Variants in ERLIN1 observed in about 807,000 individuals in gnomAD.
ERLIN1 encodes ER lipid raft associated 1.
In ERLIN1, 24 loss-of-function variants were observed where a neutral mutation model predicts 46.9. The ratio of observed to expected loss-of-function variants is 0.51; its 90% CI spans 0.37 to 0.72. The LOEUF (loss-of-function observed/expected upper bound fraction) is 0.72, where lower values mean the gene tolerates loss of function less well. Ranked by LOEUF, ERLIN1 falls within the 30% of genes least tolerant of loss-of-function variation. The pLI, the probability that ERLIN1 is intolerant of heterozygous loss-of-function variation, is 0.00. For missense variants in ERLIN1, 293 were observed against 417.9 expected, an observed-to-expected ratio of 0.70 and a Z score of 2.61; for synonymous variants, 158 against 143.2, an observed-to-expected ratio of 1.10 and a Z score of -0.74.
intron 10 of ERLIN1, 81 bp from the exon 11 acceptor site, chr10:100,152,433 A>G (rs1211157486): frequency 5.6e-5 from 47 of 842,994 alleles, no homozygotes; most frequent in Admixed American, 1.7e-5. Context: ...CATTTCACCT[A>G]TTGCTCTCCT....
chr10:100,152,229 A>G lies in ERLIN1; in HGVS notation c.949T>C (p.Ser317Pro). 6.2e-7 allele frequency: 1 copy of G among 1,612,758 alleles called. No homozygotes were observed. Among genetic ancestry groups the G allele is most frequent in the Non-Finnish European group, 8.5e-7 (1 of 1,178,754 alleles). Residue 317 changes from serine (S) to proline (P), a missense_variant, in exon 11 of 11, where the codon TCA (serine) becomes CCA (proline). Ser to Pro is a moderately conservative substitution (Grantham distance 74, BLOSUM62 -1). Coordinates refer to ENST00000421367, the MANE Select transcript of ERLIN1 (RefSeq NM_006459.4). ...CTTTCTCTTCCAGTCCTAATATCTGAATATTTCAAAGCACATGAGGAGTCC... is the reference window on the plus strand; with the variant it reads ...CTTTCTCTTCCAGTCCTAATATCTGGATATTTCAAAGCACATGAGGAGTCC... The part of the protein sequence containing the change: ...FVDSSCALKY[S>P]DIRTGRESSL...
chr10:100,171,221 G>A (rs1374240459), intron 6 of ERLIN1, among the ~76,000 whole-genome samples: 2 of 151,912 alleles, frequency 1.3e-5, no homozygotes, highest in Non-Finnish European at 2.9e-5. Context: ...TGTAAAACAT[G>A]AACACTTCAA....
chr10:100,184,074 C>G (rs1438888590), intron 1 of ERLIN1, among the ~76,000 whole-genome samples: 2 of 152,200 alleles, frequency 1.3e-5, no homozygotes, highest in African/African-American at 4.8e-5. Context: ...AACCGTACCT[C>G]TGGGTCTCCA....
In ERLIN1 at chr10:100,154,899, A is replaced by G. The variant is rs370132690; in HGVS notation, c.786T>C (p.Ala262=). ...CATATTTGTGTGCAGCATAATATTCAGCATCTGCTTTCGCTTTCTCTCGGG... is the reference window on the plus strand; with the variant it reads ...CATATTTGTGTGCAGCATAATATTCGGCATCTGCTTTCGCTTTCTCTCGGG... ...FLAREKAKAD[A]EYYAAHKYAT... The change falls in exon 10 of 11, where the codon GCT becomes GCC. Residue 262 remains alanine (A), a synonymous_variant. Coordinates refer to ENST00000421367, the MANE Select transcript of ERLIN1 (RefSeq NM_006459.4). 2.5e-6 allele frequency: 4 copies of G among 1,613,916 alleles called. No individual in the cohort carries two copies. The African/African-American group carries it at 4.0e-5, about 16-fold the overall frequency.
chr10:100,158,915 A>G (rs999776993), intron 8 of ERLIN1, among the ~76,000 whole-genome samples: 4 of 152,236 alleles, frequency 2.6e-5, no homozygotes, highest in African/African-American at 9.6e-5. Context: ...TAAATAGCAC[A>G]TAATCAAATG....
intron 2 of ERLIN1, among the ~76,000 whole-genome samples, 197 bp from the exon 3 acceptor site, chr10:100,179,444 A>T (rs993576810): frequency 1.3e-5 from 2 of 151,892 alleles, no homozygotes. Context: ...TGAGACAGAA[A>T]ATATTTTACA....
At position 100,174,242 on chromosome 10, in the gene ERLIN1, T is replaced by C; in HGVS notation, c.470A>G (p.Asp157Gly). 3 of 1,565,040 alleles carry C rather than the reference T, an allele frequency of 1.9e-6. No homozygotes were observed. Among genetic ancestry groups the C allele is most frequent in the Non-Finnish European group, 2.6e-6 (3 of 1,152,892 alleles). Reference sequence around the variant, plus strand: ...GAGACCTGGGGCCATGAGGTTTAAGTCTTTCTGCAGAGCTTGCTTCAGGTT... The same window carrying C: ...GAGACCTGGGGCCATGAGGTTTAAGCCTTTCTGCAGAGCTTGCTTCAGGTT... ...DENLKQALQK[D>G]LNLMAPGLTI... Residue 157 changes from aspartate to glycine, a missense_variant, in exon 6 of 11, where the codon GAC becomes GGC. Coordinates refer to ENST00000421367, the MANE Select transcript of ERLIN1 (RefSeq NM_006459.4).
chr10:100,185,065 A>G (rs1844884653), intron 1 of ERLIN1, among the ~76,000 whole-genome samples: 1 of 151,984 alleles, frequency 6.6e-6, no homozygotes, highest in Admixed American at 6.6e-5. Context: ...GGACATAAGC[A>G]CCATCACAGT....
At chr10:100,171,180 C>A (rs182754770) in intron 6 of ERLIN1, among the ~76,000 whole-genome samples, 60 of 152,192 alleles carry the variant, frequency 3.9e-4, no homozygotes, top group African/African-American at 1.3e-3. Context: ...CTCAGCAACA[C>A]ACCATAAAGA....
At chr10:100,162,062 C>T (rs1195817151) in intron 8 of ERLIN1, among the ~76,000 whole-genome samples, 1 of 152,024 alleles carries the variant, frequency 6.6e-6, no homozygotes, top group African/African-American at 2.4e-5. Context: ...TTTGTCTACA[C>T]AAAAACTACA....
chr10:100,178,839 G>C (rs1164162800), intron 3 of ERLIN1, among the ~76,000 whole-genome samples: 1 of 152,168 alleles, frequency 6.6e-6, no homozygotes, highest in Non-Finnish European at 1.5e-5. Context: ...ATGTGTTGGG[G>C]AAAGAGGTAT....
intron 2 of ERLIN1, among the ~76,000 whole-genome samples, chr10:100,180,583 C>T (rs187685649): frequency 3.9e-4 from 60 of 152,286 alleles, no homozygotes; most frequent in African/African-American, 1.4e-3. Context: ...CTGAAATACA[C>T]ACAGTTGAAG....
In ERLIN1 at chr10:100,185,731, C is replaced by T. The variant is rs1053291751; in HGVS notation, c.-105G>A. ...TCCCTCCGGAAACTTGGCGCTCTCT[C>T]GCAGGCTGAGCCGGGGAGTCCAGTA... is the stretch of plus-strand genomic sequence containing the variant. On this transcript the variant is annotated 5_prime_UTR_variant, in exon 1 of 11. Coordinates refer to ENST00000421367, the MANE Select transcript of ERLIN1 (RefSeq NM_006459.4). 9.9e-6 allele frequency: 9 copies of T among 906,022 alleles called. No homozygotes were observed. In the African/African-American group the frequency reaches 1.3e-4, roughly 13 times the overall value. The allele number at this position is 906,022 out of a possible 1,614,324, so 56.1% of individuals were successfully genotyped here.
At chr10:100,184,187 C>T (rs1844826736) in intron 1 of ERLIN1, among the ~76,000 whole-genome samples, 1 of 152,004 alleles carries the variant, frequency 6.6e-6, no homozygotes, top group Admixed American at 6.6e-5. Context: ...ATTAATAGTA[C>T]ATAACAAGAG....
chr10:100,154,998 T>C lies in ERLIN1; in HGVS notation c.746-59A>G. ...TTCCCTCAGCTAGTTAAGAGTCCCT[T>C]TCCCCACTGCTTAATATTGTGACTG... is the stretch of plus-strand genomic sequence containing the variant. On this transcript the variant is annotated intron_variant, in intron 9 of 10. Coordinates refer to ENST00000421367, the MANE Select transcript of ERLIN1 (RefSeq NM_006459.4). 3.0e-6 allele frequency: 4 copies of C among 1,353,516 alleles called. No homozygotes were observed. In the South Asian group the frequency reaches 3.5e-5, roughly 12 times the overall value. The allele number at this position is 1,353,516 out of a possible 1,614,324, so 83.8% of individuals were successfully genotyped here.
At chr10:100,166,509 G>A (rs1398779490) in intron 7 of ERLIN1, among the ~76,000 whole-genome samples, 1 of 151,692 alleles carries the variant, frequency 6.6e-6, no homozygotes, top group Non-Finnish European at 1.5e-5. Context: ...AAATATAAAA[G>A]AAGAAAAAAA....
intron 8 of ERLIN1, among the ~76,000 whole-genome samples, chr10:100,158,435 TG>T (rs1226394616): frequency 6.6e-6 from 1 of 152,048 alleles, no homozygotes; most frequent in Non-Finnish European, 1.5e-5. Flanking sequence ...AAAATTAGCT[TG>T]GTTTAGAATT....
At chr10:100,178,903 T>TA in intron 3 of ERLIN1, among the ~76,000 whole-genome samples, 1 of 152,190 alleles carries the variant, frequency 6.6e-6, no homozygotes, top group Non-Finnish European at 1.5e-5. Context: ...AAAACTGCTG[T>TA]AAAAAATAAA....
At chr10:100,155,099 G>A (rs531905770) in intron 9 of ERLIN1, among the ~76,000 whole-genome samples, 160 bp from the exon 10 acceptor site, 16 of 152,270 alleles carry the variant, frequency 1.1e-4, no homozygotes, top group African/African-American at 3.1e-4. Flanking sequence ...ACTTCTCTAC[G>A]AGGAATACTC....
Sources: gnomAD v4.1 joint callset for allele counts (sites outside exome capture counted in the v4.1 genomes callset) on GRCh38, gnomAD v4.1.1 for gene constraint, MANE v1.5 for transcripts, NCBI Gene and HGNC (gene_info 2026-07-23, HGNC 2026-07-21) for gene names.